UBP1: variants seen among roughly 807,000 people sequenced by gnomAD.
UBP1 encodes upstream binding protein 1.
In UBP1, 22 loss-of-function variants were observed where a neutral mutation model predicts 76.1. The observed-to-expected ratio is 0.29, with a 90% CI of 0.21 to 0.41. The LOEUF (loss-of-function observed/expected upper bound fraction) is 0.41. Among genes scored for constraint, UBP1 ranks in the 10% least tolerant of loss-of-function variants. The pLI, the probability that UBP1 is intolerant of heterozygous loss-of-function variation, is 1.00. For missense variants in UBP1, 436 were observed against 668.1 expected (o/e 0.65, Z 3.83); for synonymous variants, 224 against 237.1 (o/e 0.94, Z 0.51).
chr3:33,402,860 G>A lies in UBP1; in HGVS notation c.972C>T (p.Ser324=). ...AGGTGAAAGTGGGCGCTGGGGAAGG[G>A]CTGTTATTCACATAGGCTGTGGGGG... is the stretch of plus-strand genomic sequence containing the variant. ...PDAPTAYVNN[S]PSPAPTFTSP... The change falls in exon 9 of 16, where the codon AGC becomes AGT. Residue 324 remains serine, a synonymous_variant. Coordinates refer to ENST00000283629, the MANE Select transcript of UBP1 (RefSeq NM_014517.5). The A allele has an allele frequency of 6.2e-7, 1 of 1,610,388 alleles. No individual in the cohort carries two copies. The highest frequency in any genetic ancestry group is 8.5e-7 in the Non-Finnish European group (1 of 1,178,690).
At chr3:33,416,731 T>C (rs758882448) in intron 3 of UBP1, 27 bp downstream of exon 3, 5 of 1,538,180 alleles carry the variant, frequency 3.3e-6, no homozygotes, top group East Asian at 2.3e-5. Context: ...GCAATATCCA[T>C]TGGGAATTAA....
chr3:33,405,828 CTG>C lies in UBP1; in HGVS notation c.927+2860_927+2861del, dbSNP rs147717078. Among the ~76,000 whole-genome samples, 1,395 of 152,214 alleles carry C rather than the reference CTG, an allele frequency of 9.2e-3. 18 individuals carry two copies. Among genetic ancestry groups the C allele is most frequent in the African/African-American group, 0.031 (1,304 of 41,528 alleles). ...CCACTGGTGTAATGGAGCTAAGAAA[CTG>C]TGAAGCACACTGAGGGCAGAAATTA... On this transcript the variant is annotated intron_variant, in intron 8 of 15. Coordinates refer to ENST00000283629, the MANE Select transcript of UBP1 (RefSeq NM_014517.5).
intron 1 of UBP1, among the ~76,000 whole-genome samples, chr3:33,435,642 C>T (rs894961150): frequency 3.3e-5 from 5 of 152,122 alleles, no homozygotes; most frequent in African/African-American, 4.8e-5. Flanking sequence ...TAGTCTCAAA[C>T]GAACATTTCA....
intron 1 of UBP1, among the ~76,000 whole-genome samples, chr3:33,426,013 ATATATATATATATATATATAT>A (rs375323199): frequency 0.021 from 1,869 of 90,464 alleles, 109 homozygotes; most frequent in Admixed American, 0.029. Flanking sequence ...ATATATATAT[ATATATATATATATATATATAT>A]ATATAGCACT....
intron 12 of UBP1, 90 bp from the exon 13 acceptor site, chr3:33,396,370 T>G (rs1016504978): frequency 1.0e-6 from 1 of 961,084 alleles, no homozygotes; most frequent in Non-Finnish European, 1.5e-6. Flanking sequence ...CTAAGTTCTA[T>G]TTCCTTATGA....
At chr3:33,436,878 C>T (rs1304433094) in intron 1 of UBP1, among the ~76,000 whole-genome samples, 1 of 152,086 alleles carries the variant, frequency 6.6e-6, no homozygotes, top group African/African-American at 2.4e-5. Flanking sequence ...CATCTATGAC[C>T]CTCAGATAAT....
At chr3:33,436,383 C>A (rs903334851) in intron 1 of UBP1, among the ~76,000 whole-genome samples, 1 of 152,190 alleles carries the variant, frequency 6.6e-6, no homozygotes, top group Non-Finnish European at 1.5e-5. Context: ...GGAAATCTGT[C>A]ATTAGCTCAA....
chr3:33,404,411 C>CA lies in UBP1; in HGVS notation c.928-1508dup, dbSNP rs554152271. Among the ~76,000 whole-genome samples the CA allele has an allele frequency of 2.3e-4, 34 of 149,026 alleles. 1 individual carries two copies. The highest frequency in any genetic ancestry group is 2.1e-3 in the Admixed American group (31 of 14,946). On this transcript the variant is annotated intron_variant, in intron 8 of 15. Transcript: ENST00000283629. The stretch of plus-strand genomic sequence containing the variant: ...TGGGTGACAGAGCGAGATTCCATCT[C>CA]AAAAAAAATGAAAATAGATAAATAA...
At chr3:33,421,719 T>C (rs971230449) in intron 2 of UBP1, among the ~76,000 whole-genome samples, 1 of 152,236 alleles carries the variant, frequency 6.6e-6, no homozygotes, top group Non-Finnish European at 1.5e-5. Flanking sequence ...TTATTTTCTT[T>C]ACAGCATTAC....
rs1051657677 is a variant in UBP1 at position 33,392,292 on chromosome 3, C to T, written c.1585+271G>A. On this transcript the variant is annotated intron_variant, in intron 15 of 15. Coordinates refer to ENST00000283629, the MANE Select transcript of UBP1 (RefSeq NM_014517.5). ...TGTTTTATTCAATAGATCCACTGAG[C>T]GACAGAAGCACGGTGTCTGACACAA... 2.3e-5 allele frequency: 8 copies of T among 342,144 alleles called. No homozygotes were observed. In the South Asian group the frequency reaches 5.0e-4, roughly 21 times the overall value. 21.2% of individuals were successfully genotyped at this position (342,144 alleles called of 1,614,324 possible).
chr3:33,428,362 T>C (rs2045056207), intron 1 of UBP1, among the ~76,000 whole-genome samples: 1 of 152,134 alleles, frequency 6.6e-6, no homozygotes, highest in African/African-American at 2.4e-5. Flanking sequence ...CCATTAATTA[T>C]ACCGAAAAAT....
intron 2 of UBP1, among the ~76,000 whole-genome samples, chr3:33,423,240 A>G (rs1161264928): frequency 2.0e-5 from 3 of 152,074 alleles, no homozygotes; most frequent in Admixed American, 6.5e-5. Flanking sequence ...GGGTTTCACC[A>G]TGTTGGCCAG....
chr3:33,419,104 A>T (rs566179230), intron 2 of UBP1, among the ~76,000 whole-genome samples: 2 of 152,320 alleles, frequency 1.3e-5, no homozygotes, highest in Non-Finnish European at 1.5e-5. Flanking sequence ...TAACAGAAAG[A>T]AGAGTTGAGG....
rs1038984048 is a variant in UBP1 at position 33,402,966 on chromosome 3, T to C, written c.928-62A>G. On this transcript the variant is annotated intron_variant, in intron 8 of 15. Coordinates refer to ENST00000283629, the MANE Select transcript of UBP1 (RefSeq NM_014517.5). ...TTTAAAATATGTGGAAGAAATATTT[T>C]TGTAATTCACTCACTAACCAAATGC... 5.6e-6 allele frequency: 8 copies of C among 1,421,198 alleles called. No homozygotes were observed. The African/African-American group carries it at 1.1e-4, about 20-fold the overall frequency. 88.0% of individuals were successfully genotyped at this position (1,421,198 alleles called of 1,614,324 possible).
At chr3:33,407,321 A>C (rs890093346) in intron 8 of UBP1, among the ~76,000 whole-genome samples, 2 of 152,148 alleles carry the variant, frequency 1.3e-5, no homozygotes, top group Non-Finnish European at 2.9e-5. Flanking sequence ...GGCTATAATG[A>C]ATTTCTTTTA....
At chr3:33,430,650 C>T (rs2045097421) in intron 1 of UBP1, among the ~76,000 whole-genome samples, 1 of 152,152 alleles carries the variant, frequency 6.6e-6, no homozygotes, top group African/African-American at 2.4e-5. Context: ...AGAATTCTTG[C>T]TAGACAGTCT....
chr3:33,412,596 AAG>A, intron 4 of UBP1, 124 bp downstream of exon 4: 8 of 659,454 alleles, frequency 1.2e-5, no homozygotes, highest in Admixed American at 5.6e-5. Flanking sequence ...AAAAAAAAAA[AAG>A]ACACAAAATC....
intron 11 of UBP1, 78 bp downstream of exon 11, chr3:33,400,111 A>T: frequency 1.0e-6 from 1 of 985,880 alleles, no homozygotes; most frequent in Non-Finnish European, 1.4e-6. Flanking sequence ...TCAAAATTTT[A>T]AAAATATAAA....
At chr3:33,406,090 A>G (rs112937398) in intron 8 of UBP1, among the ~76,000 whole-genome samples, 2,211 of 152,352 alleles carry the variant, frequency 0.015, 22 homozygotes, top group South Asian at 0.026. Context: ...ATTACATTTT[A>G]CACAACAATG....
Sources: gnomAD v4.1 joint callset for allele counts (sites outside exome capture counted in the v4.1 genomes callset) on GRCh38, gnomAD v4.1.1 for gene constraint, MANE v1.5 for transcripts, NCBI Gene and HGNC (gene_info 2026-07-23, HGNC 2026-07-21) for gene names.